The following UBXN7 variants were observed in gnomAD, a reference collection of about 807,000 sequenced individuals.
The protein encoded by UBXN7 is UBX domain-containing protein 7.
Under a neutral mutation model 58.0 loss-of-function variants are expected in UBXN7, and 9 were observed. The observed-to-expected ratio is 0.16, with a 90% CI of 0.09 to 0.27. The LOEUF is 0.27. Ranked by LOEUF, UBXN7 falls within the 10% of genes least tolerant of loss-of-function variation. UBXN7 has a pLI of 1.00. For missense variants in UBXN7, 328 were observed against 599.6 expected, an observed-to-expected ratio of 0.55 and a Z score of 4.73; for synonymous variants, 208 against 205.0, an observed-to-expected ratio of 1.01 and a Z score of -0.12.
rs534886983 is a variant in UBXN7, at chr3:196,352,203, T to C, written c.*4482A>G. The stretch of plus-strand genomic sequence containing the variant: ...ATTTACATGCTCTCCAATTATTTCA[T>C]GTGTAGTGTGTCTCTCTAACTGGAT... On this transcript the variant is annotated 3_prime_UTR_variant, in exon 11 of 11. Transcript: ENST00000296328. The surrounding 1 kb of genome is among the most constrained non-coding windows in gnomAD (Gnocchi z 4.1). 2 of 152,348 alleles carry C rather than the reference T, an allele frequency of 1.3e-5. No individual in the cohort carries two copies. Among genetic ancestry groups the C allele is most frequent in the East Asian group, 3.9e-4 (2 of 5,188 alleles). 9.4% of individuals were successfully genotyped at this position (152,348 alleles called of 1,614,324 possible).
intron 1 of UBXN7, among the ~76,000 whole-genome samples, chr3:196,421,603 C>A (rs905534928): frequency 2.0e-5 from 3 of 151,750 alleles, no homozygotes; most frequent in East Asian, 1.9e-4. Flanking sequence ...AACCCCCCCC[C>A]AGTCTCTAGT....
Position 196,356,587 on chromosome 3 carries a change from G to T in UBXN7, c.*98C>A. Reference sequence around the variant, plus strand: ...GAAGGTGACTTGCTTGCCCAACTTTGGCTCTGTGGTCCTATGAGCCAAAAT... The same window carrying T: ...GAAGGTGACTTGCTTGCCCAACTTTTGCTCTGTGGTCCTATGAGCCAAAAT... On this transcript the variant is annotated 3_prime_UTR_variant, in exon 11 of 11. Transcript: ENST00000296328. The T allele has an allele frequency of 7.3e-7, 1 of 1,367,164 alleles. No individual in the cohort carries two copies. The highest frequency in any genetic ancestry group is 9.9e-7 in the Non-Finnish European group (1 of 1,013,032). The allele number at this position is 1,367,164 out of a possible 1,614,324, so 84.7% of individuals were successfully genotyped here.
intron 2 of UBXN7, among the ~76,000 whole-genome samples, chr3:196,403,268 G>A (rs1363746956): frequency 2.6e-5 from 4 of 151,996 alleles, no homozygotes; most frequent in African/African-American, 9.7e-5. Context: ...AGCAAATCTA[G>A]TGCCTCAGCC....
Position 196,393,135 on chromosome 3 carries a change from T to C in UBXN7, c.355+419A>G, listed in dbSNP as rs1169615909. On this transcript the variant is annotated intron_variant, in intron 4 of 10. Transcript: ENST00000296328. ...ATTACACAAAAATATTTCAAATAAC[T>C]GTAGCCAAAATATTAATAGTGGCTG... Among the ~76,000 whole-genome samples the C allele has an allele frequency of 5.3e-5, 8 of 152,238 alleles. 1 individual carries two copies. Among genetic ancestry groups the C allele is most frequent in the Admixed American group, 5.2e-4 (8 of 15,284 alleles).
intron 1 of UBXN7, among the ~76,000 whole-genome samples, chr3:196,419,949 A>G (rs903379868): frequency 3.3e-5 from 5 of 152,234 alleles, no homozygotes; most frequent in Non-Finnish European, 7.3e-5. Context: ...TGAGCTACAC[A>G]GAGGAATATG....
chr3:196,415,913 C>T (rs1286770370), intron 1 of UBXN7, among the ~76,000 whole-genome samples: 1 of 152,206 alleles, frequency 6.6e-6, no homozygotes, highest in Non-Finnish European at 1.5e-5. Context: ...CTGTTAACAT[C>T]TGCGTCCCAA....
intron 3 of UBXN7, among the ~76,000 whole-genome samples, chr3:196,395,213 T>C (rs1467248623): frequency 1.3e-5 from 2 of 152,204 alleles, no homozygotes; most frequent in African/African-American, 4.8e-5. Flanking sequence ...TGTCAAAACA[T>C]CTTTCCCAAT....
chr3:196,370,744 G>A (rs142819560), intron 6 of UBXN7, among the ~76,000 whole-genome samples: 118 of 151,346 alleles, frequency 7.8e-4, no homozygotes, highest in African/African-American at 2.3e-3. Flanking sequence ...AAATTGAGCC[G>A]GCACGGTGAT....
intron 1 of UBXN7, among the ~76,000 whole-genome samples, chr3:196,414,047 T>G (rs1730410471): frequency 6.6e-6 from 1 of 152,204 alleles, no homozygotes; most frequent in Non-Finnish European, 1.5e-5. Context: ...TGGAGTGCAG[T>G]GGTACGATCT....
chr3:196,421,937 G>A lies in UBXN7; in HGVS notation c.73+10390C>T, dbSNP rs566028269. ...ACAATGGCCAGGCACGGTAGCTCAC[G>A]CCTGTAATCCCAACACTTTGGGAGG... On this transcript the variant is annotated intron_variant, in intron 1 of 10. Coordinates refer to ENST00000296328, the MANE Select transcript of UBXN7 (RefSeq NM_015562.2). Among the ~76,000 whole-genome samples the A allele has an allele frequency of 2.0e-5, 3 of 152,200 alleles. No homozygotes were observed. In the East Asian group the frequency reaches 5.8e-4, roughly 29 times the overall value.
intron 1 of UBXN7, among the ~76,000 whole-genome samples, chr3:196,409,991 A>G (rs1577470503): frequency 1.4e-5 from 2 of 145,268 alleles, no homozygotes; most frequent in Admixed American, 1.4e-4. Context: ...CCCAGGCTGG[A>G]GTGTAATGGT....
intron 3 of UBXN7, chr3:196,400,854 A>C (rs1290755881): frequency 5.5e-6 from 1 of 182,020 alleles, no homozygotes; most frequent in Non-Finnish European, 1.2e-5. Flanking sequence ...ACGCTGTATT[A>C]TTCCTTGCAA....
At chr3:196,382,220 G>A (rs1054220342) in intron 5 of UBXN7, among the ~76,000 whole-genome samples, 8 of 152,160 alleles carry the variant, frequency 5.3e-5, no homozygotes, top group Non-Finnish European at 8.8e-5. Context: ...GAAGGGAAAA[G>A]TGTTAAGGGC....
chr3:196,401,370 T>C (rs1380740491), intron 3 of UBXN7, among the ~76,000 whole-genome samples: 1 of 124,970 alleles, frequency 8.0e-6, no homozygotes, highest in African/African-American at 3.0e-5. Context: ...AAAAAATAAA[T>C]AAAAAGGTTT....
At chr3:196,360,986 T>C (rs1728490121) in intron 10 of UBXN7, among the ~76,000 whole-genome samples, 1 of 152,160 alleles carries the variant, frequency 6.6e-6, no homozygotes, top group African/African-American at 2.4e-5. Context: ...TGGGCATAAA[T>C]ACAGATTCCT....
At position 196,422,638 on chromosome 3, in the gene UBXN7, A is replaced by G. The variant is rs1216343318; in HGVS notation, c.73+9689T>C. Among the ~76,000 whole-genome samples the G allele has an allele frequency of 2.0e-5, 3 of 152,160 alleles. No homozygotes were observed. The East Asian group carries it at 5.8e-4, about 29-fold the overall frequency. On this transcript the variant is annotated intron_variant, in intron 1 of 10. Transcript: ENST00000296328. Reference sequence around the variant, plus strand: ...TCCTGGCCTAGAGCAATCCTCCCGCATCAGCCTCTCAAAGCCACTATACTT... The same window carrying G: ...TCCTGGCCTAGAGCAATCCTCCCGCGTCAGCCTCTCAAAGCCACTATACTT...
At chr3:196,383,989 C>CA (rs1219239954) in intron 5 of UBXN7, among the ~76,000 whole-genome samples, 12 of 152,052 alleles carry the variant, frequency 7.9e-5, no homozygotes, top group East Asian at 1.9e-4. Flanking sequence ...AAAAACCCTT[C>CA]AAAAAATCAA....
Position 196,406,332 on chromosome 3 carries a change from CT to C in UBXN7, c.221+913del, listed in dbSNP as rs1042186089. On this transcript the variant is annotated intron_variant, in intron 2 of 10. Coordinates refer to ENST00000296328, the MANE Select transcript of UBXN7 (RefSeq NM_015562.2). ...ACAGGCATGAGCCACCATGCCTGGA[CT>C]TTTTTTTTAAATATTAAGGTTTTCA... 9.3e-5 allele frequency among the ~76,000 whole-genome samples: 14 copies of C among 151,214 alleles called. 1 individual carries two copies. The highest frequency in any genetic ancestry group is 2.7e-4 in the African/African-American group (11 of 41,224).
At chr3:196,424,226 G>T (rs1269735660) in intron 1 of UBXN7, among the ~76,000 whole-genome samples, 2 of 151,730 alleles carry the variant, frequency 1.3e-5, no homozygotes, top group Non-Finnish European at 2.9e-5. Flanking sequence ...TACTCTCCTG[G>T]TTTTCCTCCT....
Sources: allele counts gnomAD v4.1 joint callset (sites outside exome capture counted in the v4.1 genomes callset), GRCh38; gene constraint gnomAD v4.1.1; non-coding constraint Gnocchi (gnomAD v3.1); transcripts MANE v1.5; gene names NCBI Gene and HGNC (gene_info 2026-07-23, HGNC 2026-07-21).